Variants in GPC6 observed in about 807,000 individuals in gnomAD.
GPC6 encodes glypican 6, also known as glypican-6.
A neutral mutation model predicts 55.2 loss-of-function variants in GPC6; 14 were observed. The ratio of observed to expected loss-of-function variants is 0.25; its 90% CI spans 0.17 to 0.40. GPC6 has a LOEUF of 0.40. Ranked by LOEUF, GPC6 falls within the 10% of genes least tolerant of loss-of-function variation. The pLI, the probability that GPC6 is intolerant of heterozygous loss-of-function variation, is 1.00. For missense variants in GPC6, 641 were observed against 708.5 expected (o/e 0.90, Z 1.08); for synonymous variants, 278 against 259.6 (o/e 1.07, Z -0.68).
chr13:93,741,428 A>T (rs887905291), intron 2 of GPC6, among the ~76,000 whole-genome samples: 1 of 152,008 alleles, frequency 6.6e-6, no homozygotes, highest in Non-Finnish European at 1.5e-5. Context: ...AATCTTCTTA[A>T]TCTTGTCTTC....
intron 1 of GPC6, among the ~76,000 whole-genome samples, chr13:93,252,919 G>A (rs1448140041): frequency 1.3e-5 from 2 of 152,170 alleles, no homozygotes; most frequent in African/African-American, 4.8e-5. Flanking sequence ...TTGAAAGATT[G>A]CAGCTGATAA....
chr13:93,768,383 GTCA>G (rs1282423410), intron 2 of GPC6, among the ~76,000 whole-genome samples: 1 of 152,134 alleles, frequency 6.6e-6, no homozygotes, highest in African/African-American at 2.4e-5. Context: ...ACGTACAGTT[GTCA>G]TCATGATTTC....
chr13:93,427,749 A>G (rs377112980), intron 1 of GPC6, among the ~76,000 whole-genome samples: 23 of 152,258 alleles, frequency 1.5e-4, no homozygotes, highest in East Asian at 1.2e-3. Flanking sequence ...CTAGCACAGC[A>G]ATAGCCTCAT....
chr13:94,186,521 A>T (rs979848113), intron 4 of GPC6, among the ~76,000 whole-genome samples: 4 of 152,144 alleles, frequency 2.6e-5, no homozygotes, highest in Non-Finnish European at 4.4e-5. Flanking sequence ...CAAATAACAT[A>T]AGAAGGTTTA....
intron 1 of GPC6, among the ~76,000 whole-genome samples, chr13:93,454,922 C>A (rs1229688986): frequency 6.6e-6 from 1 of 152,256 alleles, no homozygotes; most frequent in Non-Finnish European, 1.5e-5. Context: ...AGGTCCCGAG[C>A]CCTGTCCCGC....
At chr13:94,290,015 T>C (rs1874868579) in intron 5 of GPC6, among the ~76,000 whole-genome samples, 1 of 152,198 alleles carries the variant, frequency 6.6e-6, no homozygotes, top group South Asian at 2.1e-4. Flanking sequence ...CCCACTATGT[T>C]GATGTTTGTA....
intron 1 of GPC6, among the ~76,000 whole-genome samples, chr13:93,297,544 T>C (rs1878536380): frequency 6.6e-6 from 1 of 152,188 alleles, no homozygotes. Flanking sequence ...GGCAGGAGTA[T>C]TGAGTAAGCC....
At chr13:94,374,024 T>C (rs553787758) in intron 6 of GPC6, among the ~76,000 whole-genome samples, 11 of 152,208 alleles carry the variant, frequency 7.2e-5, no homozygotes, top group African/African-American at 2.6e-4. Flanking sequence ...TGAGAGATTT[T>C]GTCACCACCA....
chr13:94,027,208 G>C (rs1882933434), intron 3 of GPC6, among the ~76,000 whole-genome samples: 1 of 152,118 alleles, frequency 6.6e-6, no homozygotes, highest in Admixed American at 6.5e-5. Context: ...AAGTGCAAAA[G>C]CTGCAGATGC....
chr13:93,934,376 A>G (rs1878328520), intron 3 of GPC6, among the ~76,000 whole-genome samples: 1 of 152,194 alleles, frequency 6.6e-6, no homozygotes, highest in Non-Finnish European at 1.5e-5. Flanking sequence ...TTTTGAATAT[A>G]TAGAGTTGAA....
At chr13:93,951,891 A>G (rs1879270332) in intron 3 of GPC6, among the ~76,000 whole-genome samples, 1 of 152,148 alleles carries the variant, frequency 6.6e-6, no homozygotes. Context: ...TTTCATAGGC[A>G]TTCTTCAACC....
At chr13:93,828,014 T>C (rs1481035958) in intron 2 of GPC6, among the ~76,000 whole-genome samples, 1 of 152,154 alleles carries the variant, frequency 6.6e-6, no homozygotes, top group Admixed American at 6.5e-5. Context: ...ATTTTTTTTT[T>C]TCTCTTTCTC....
At chr13:93,664,921 A>G (rs1881074476) in intron 2 of GPC6, among the ~76,000 whole-genome samples, 2 of 152,210 alleles carry the variant, frequency 1.3e-5, no homozygotes, top group Non-Finnish European at 2.9e-5. Context: ...CACATTTTCA[A>G]CTGTCATATC....
At chr13:93,268,518 G>A (rs1027649677) in intron 1 of GPC6, among the ~76,000 whole-genome samples, 9 of 152,088 alleles carry the variant, frequency 5.9e-5, no homozygotes, top group Admixed American at 1.3e-4. Context: ...TGCCTGCAGG[G>A]AAATGAAGTG....
chr13:93,857,155 T>G (rs956976143), intron 3 of GPC6, among the ~76,000 whole-genome samples: 1 of 151,600 alleles, frequency 6.6e-6, no homozygotes, highest in African/African-American at 2.4e-5. Flanking sequence ...AAATTCATCC[T>G]TATTGGAAAA....
At chr13:93,419,419 G>A (rs1400884015) in intron 1 of GPC6, among the ~76,000 whole-genome samples, 1 of 151,910 alleles carries the variant, frequency 6.6e-6, no homozygotes, top group Non-Finnish European at 1.5e-5. Context: ...AAAATACTAT[G>A]TTAATGCAGA....
intron 2 of GPC6, among the ~76,000 whole-genome samples, chr13:93,757,685 A>G (rs1172670664): frequency 1.3e-5 from 2 of 151,908 alleles, no homozygotes; most frequent in East Asian, 1.9e-4. Flanking sequence ...CTACAAGTCA[A>G]CTCCTCAATT....
intron 2 of GPC6, among the ~76,000 whole-genome samples, chr13:93,652,474 G>A (rs1880458437): frequency 6.6e-6 from 1 of 152,100 alleles, no homozygotes; most frequent in Non-Finnish European, 1.5e-5. Context: ...GTTTATTAGG[G>A]CATATTAGGT....
At chr13:94,357,957 C>G (rs73551893) in intron 6 of GPC6, among the ~76,000 whole-genome samples, 5,803 of 152,224 alleles carry the variant, frequency 0.038, 224 homozygotes, top group African/African-American at 0.095. Context: ...CAGAGAAAAC[C>G]CTTAATGAAT....
Sources: gnomAD v4.1 joint callset for allele counts (sites outside exome capture counted in the v4.1 genomes callset) on GRCh38, gnomAD v4.1.1 for gene constraint, MANE v1.5 for transcripts, NCBI Gene and HGNC (gene_info 2026-07-23, HGNC 2026-07-21) for gene names.